KSR2: variants seen among roughly 807,000 people sequenced by gnomAD.
The protein encoded by KSR2 is kinase suppressor of ras 2.
A neutral mutation model predicts 107.8 loss-of-function variants in KSR2; 25 were observed. The observed-to-expected ratio is 0.23, with a 90% CI of 0.17 to 0.32. KSR2 has a LOEUF of 0.32. Among genes scored for constraint, KSR2 ranks in the 10% least tolerant of loss-of-function variants. KSR2 has a pLI of 1.00. For missense variants in KSR2, 887 were observed against 1,268.9 expected, an observed-to-expected ratio of 0.70 and a Z score of 4.57; for synonymous variants, 480 against 507.0, an observed-to-expected ratio of 0.95 and a Z score of 0.71.
intron 1 of KSR2, among the ~76,000 whole-genome samples, chr12:117,887,827 A>T (rs1414034632): frequency 6.6e-6 from 1 of 151,432 alleles, no homozygotes; most frequent in Non-Finnish European, 1.5e-5. Context: ...ATTTTAAAAA[A>T]CTCTCCTCCA....
chr12:117,848,755 A>G (rs1221773612), intron 3 of KSR2, among the ~76,000 whole-genome samples: 5 of 100,608 alleles, frequency 5.0e-5, no homozygotes, highest in Admixed American at 1.1e-4. Context: ...GGTGATGGTG[A>G]TGGCGATGAT....
chr12:117,632,597 C>T (rs148671801), intron 5 of KSR2, among the ~76,000 whole-genome samples: 5,856 of 151,990 alleles, frequency 0.039, 256 homozygotes, highest in East Asian at 0.24. Flanking sequence ...AGGTAAATTG[C>T]GTGTCATGGG....
At chr12:117,639,789 T>A (rs1298340273) in intron 5 of KSR2, among the ~76,000 whole-genome samples, 1 of 151,950 alleles carries the variant, frequency 6.6e-6, no homozygotes, top group Non-Finnish European at 1.5e-5. Context: ...TATCCGTCAA[T>A]ACCAGGAAGA....
At chr12:117,557,868 G>A (rs972140756) in intron 8 of KSR2, among the ~76,000 whole-genome samples, 1 of 152,146 alleles carries the variant, frequency 6.6e-6, no homozygotes. Flanking sequence ...CACTACAAAA[G>A]TTCCCAAGGC....
At chr12:117,780,114 T>C (rs1889834706) in intron 3 of KSR2, among the ~76,000 whole-genome samples, 1 of 152,238 alleles carries the variant, frequency 6.6e-6, no homozygotes, top group African/African-American at 2.4e-5. Flanking sequence ...GATCATATTT[T>C]GGAAATATTG....
rs150007878 is a variant in KSR2 at position 117,528,167 on chromosome 12, T to C, written c.1803-1048A>G. Among the ~76,000 whole-genome samples the C allele has an allele frequency of 7.1e-4, 108 of 152,102 alleles. 1 individual carries two copies. The highest frequency in any genetic ancestry group is 3.4e-3 in the Middle Eastern group (1 of 294). On this transcript the variant is annotated intron_variant, in intron 12 of 19. Transcript: ENST00000339824. ...TGAGTTGGGTGTACACACAGGATGT[T>C]GAGGGGGATGCTGTATGCCGATAGT...
At chr12:117,865,413 G>A (rs1893436316) in intron 1 of KSR2, among the ~76,000 whole-genome samples, 1 of 152,088 alleles carries the variant, frequency 6.6e-6, no homozygotes, top group Admixed American at 6.6e-5. Context: ...ACGTTTTACT[G>A]TTCATTATTC....
chr12:117,489,596 ATAAT>A (rs970098254), intron 14 of KSR2, among the ~76,000 whole-genome samples: 2 of 152,094 alleles, frequency 1.3e-5, no homozygotes, highest in African/African-American at 4.8e-5. Flanking sequence ...AACAATTAAT[ATAAT>A]TAATGTATGG....
intron 3 of KSR2, among the ~76,000 whole-genome samples, chr12:117,789,855 G>C (rs976978641): frequency 1.3e-5 from 2 of 152,130 alleles, no homozygotes; most frequent in African/African-American, 4.8e-5. Flanking sequence ...AGCAAAATTA[G>C]GTAAACAGAC....
intron 2 of KSR2, among the ~76,000 whole-genome samples, chr12:117,856,992 A>C (rs568071374): frequency 2.6e-5 from 4 of 152,276 alleles, no homozygotes; most frequent in South Asian, 4.1e-4. Flanking sequence ...AGGCTTTCTC[A>C]AATAGGGACA....
chr12:117,665,619 C>T (rs1030010167), intron 5 of KSR2, among the ~76,000 whole-genome samples: 2 of 152,212 alleles, frequency 1.3e-5, no homozygotes, highest in Non-Finnish European at 2.9e-5. Context: ...CATCAGCCCA[C>T]AGGCTGTAAA....
intron 5 of KSR2, among the ~76,000 whole-genome samples, chr12:117,636,099 T>C (rs1236509220): frequency 6.6e-6 from 1 of 152,138 alleles, no homozygotes; most frequent in Non-Finnish European, 1.5e-5. Flanking sequence ...GCCAGTATGT[T>C]ACTACTTTTA....
At chr12:117,839,690 A>C (rs1223544822) in intron 3 of KSR2, among the ~76,000 whole-genome samples, 3 of 152,262 alleles carry the variant, frequency 2.0e-5, no homozygotes, top group African/African-American at 7.2e-5. Flanking sequence ...AATCAAGGAA[A>C]TCCTCCCCGC....
At chr12:117,754,105 G>A in intron 4 of KSR2, among the ~76,000 whole-genome samples, 1 of 152,014 alleles carries the variant, frequency 6.6e-6, no homozygotes. Context: ...CAAAACAGGG[G>A]AAACAGCTTT....
rs531984551 is a variant in KSR2 at position 117,793,233 on chromosome 12, C to T, written c.473-31709G>A. Among the ~76,000 whole-genome samples the T allele has an allele frequency of 2.1e-3, 295 of 139,830 alleles. 2 individuals are homozygous for T. Among genetic ancestry groups the T allele is most frequent in the Non-Finnish European group, 3.8e-3 (255 of 67,468 alleles). The allele number at this position is 139,830 out of a possible 152,430, so 91.7% of individuals were successfully genotyped here. A position where few individuals can be genotyped will look rare whatever the true frequency, so the allele number is the denominator to read the frequency against. Reference sequence around the variant, plus strand: ...GCACACACCCTCACACCAACATGCACACACACCAACCTGCACACACCCTCA... The same window carrying T: ...GCACACACCCTCACACCAACATGCATACACACCAACCTGCACACACCCTCA... On this transcript the variant is annotated intron_variant, in intron 3 of 19. Transcript: ENST00000339824.
At chr12:117,547,864 T>G (rs1592980207) in intron 9 of KSR2, among the ~76,000 whole-genome samples, 1 of 152,060 alleles carries the variant, frequency 6.6e-6, no homozygotes, top group African/African-American at 2.4e-5. Context: ...TGGGAGGCCG[T>G]GGCAGGTGGA....
At chr12:117,500,207 C>T (rs991200842) in intron 14 of KSR2, among the ~76,000 whole-genome samples, 3 of 152,154 alleles carry the variant, frequency 2.0e-5, no homozygotes, top group African/African-American at 7.2e-5. Context: ...ACTGGATCTG[C>T]TCCTTTCACA....
rs528445316 is a variant in KSR2, at chr12:117,834,203, T to C, written c.472+21225A>G. Among the ~76,000 whole-genome samples the C allele has an allele frequency of 2.0e-5, 3 of 151,242 alleles. No homozygotes were observed. The South Asian group carries it at 6.3e-4, about 32-fold the overall frequency. ...CAAGAATCCGAAGGACTCGGCTGAA[T>C]AAAGACCATGATCCGAAGTTAAAAG... On this transcript the variant is annotated intron_variant, in intron 3 of 19. Coordinates refer to ENST00000339824, the MANE Select transcript of KSR2 (RefSeq NM_173598.6).
At chr12:117,579,465 CTGGTA>C (rs1268536260) in intron 6 of KSR2, among the ~76,000 whole-genome samples, 2 of 152,144 alleles carry the variant, frequency 1.3e-5, no homozygotes, top group Admixed American at 1.3e-4. Context: ...CGTACAGTGG[CTGGTA>C]CATAGTAAGC....
Sources: gnomAD v4.1 joint callset for allele counts (sites outside exome capture counted in the v4.1 genomes callset) on GRCh38, gnomAD v4.1.1 for gene constraint, MANE v1.5 for transcripts, NCBI Gene and HGNC (gene_info 2026-07-23, HGNC 2026-07-21) for gene names.